TMEM45A: variants seen among roughly 807,000 people sequenced by gnomAD.
TMEM45A encodes DNA polymerase-transactivated protein 4.
Under a neutral mutation model 32.0 loss-of-function variants are expected in TMEM45A, and 25 were observed. That is an observed-to-expected ratio of 0.78 (90% confidence interval 0.57 to 1.09). TMEM45A has a LOEUF of 1.09. Among genes scored for constraint, TMEM45A ranks in the 50% least tolerant of loss-of-function variants. The pLI is 0.00. For synonymous variants in TMEM45A, 122 were observed against 114.8 expected (o/e 1.06, Z -0.40); for missense variants, 302 against 325.0 (o/e 0.93, Z 0.54).
At chr3:100,530,890 A>G (rs1475583239) in intron 1 of TMEM45A, among the ~76,000 whole-genome samples, 1 of 152,152 alleles carries the variant, frequency 6.6e-6, no homozygotes, top group Non-Finnish European at 1.5e-5. Context: ...AGAATTTTGC[A>G]TCATCTGGAT....
intron 1 of TMEM45A, among the ~76,000 whole-genome samples, chr3:100,554,573 G>T (rs1282838820): frequency 6.6e-6 from 1 of 152,202 alleles, no homozygotes; most frequent in African/African-American, 2.4e-5. Flanking sequence ...GGAGGGAGAG[G>T]CTGGGAAAGA....
chr3:100,574,430 T>A (rs749794420), intron 5 of TMEM45A: 1 of 152,040 alleles, frequency 6.6e-6, no homozygotes, highest in Non-Finnish European at 1.5e-5. Context: ...GACACATACA[T>A]CCTCCCAAGA....
At chr3:100,509,860 C>T (rs933325728) in intron 1 of TMEM45A, among the ~76,000 whole-genome samples, 22 of 152,136 alleles carry the variant, frequency 1.4e-4, no homozygotes, top group Non-Finnish European at 2.6e-4. Flanking sequence ...GGGCGACAGA[C>T]GGCACCTGGA....
chr3:100,562,804 C>T (rs1706363294), intron 4 of TMEM45A, among the ~76,000 whole-genome samples: 2 of 152,064 alleles, frequency 1.3e-5, no homozygotes, highest in Non-Finnish European at 1.5e-5. Context: ...TATGCTATAA[C>T]TTGACAATGC....
At chr3:100,536,096 C>T (rs1705735183) in intron 1 of TMEM45A, among the ~76,000 whole-genome samples, 1 of 152,106 alleles carries the variant, frequency 6.6e-6, no homozygotes. Context: ...AAGGTACTGC[C>T]AGCATCTCGT....
intron 1 of TMEM45A, among the ~76,000 whole-genome samples, chr3:100,546,611 T>C (rs1188456008): frequency 1.3e-5 from 2 of 152,222 alleles, no homozygotes; most frequent in Non-Finnish European, 2.9e-5. Flanking sequence ...TCGTTAGCAG[T>C]CCTATGCCCT....
Position 100,577,250 on chromosome 3 carries a change from G to T in TMEM45A, c.*232G>T, listed in dbSNP as rs1473341480. ...ATCATGCACATCATGGTATTCAGGG[G>T]CTAGAGTGATTTTTTTCCAGATTAT... On this transcript the variant is annotated 3_prime_UTR_variant, in exon 6 of 6. Coordinates refer to ENST00000323523, the MANE Select transcript of TMEM45A (RefSeq NM_018004.3). 2.7e-6 allele frequency: 1 copy of T among 371,932 alleles called. No homozygotes were observed. The highest frequency in any genetic ancestry group is 4.8e-6 in the Non-Finnish European group (1 of 208,366). The allele number at this position is 371,932 out of a possible 1,614,324, so 23.0% of individuals were successfully genotyped here.
At chr3:100,493,563 G>T (rs1035081988) in intron 1 of TMEM45A, among the ~76,000 whole-genome samples, 20 of 151,540 alleles carry the variant, frequency 1.3e-4, no homozygotes, top group Non-Finnish European at 2.1e-4. Context: ...CCACTTGTGT[G>T]TTCATAAACT....
intron 1 of TMEM45A, among the ~76,000 whole-genome samples, chr3:100,539,438 T>TATGCATATGTATATGC (rs1453426235): frequency 1.8e-5 from 2 of 108,942 alleles, no homozygotes; most frequent in African/African-American, 7.9e-5. Flanking sequence ...ATAGGATATG[T>TATGCATATGTATATGC]ATATGTATAT....
chr3:100,567,729 T>G (rs991385282), intron 4 of TMEM45A, among the ~76,000 whole-genome samples: 96 of 152,226 alleles, frequency 6.3e-4, no homozygotes, highest in African/African-American at 1.7e-3. Flanking sequence ...TTGATTAAAT[T>G]TATTCTTAAA....
At chr3:100,512,349 C>T (rs983017093) in intron 1 of TMEM45A, among the ~76,000 whole-genome samples, 46 of 152,200 alleles carry the variant, frequency 3.0e-4, no homozygotes, top group Admixed American at 7.2e-4. Flanking sequence ...TACATGGAAA[C>T]TGAACAACCT....
At chr3:100,513,758 G>A (rs1708209596) in intron 1 of TMEM45A, among the ~76,000 whole-genome samples, 1 of 152,198 alleles carries the variant, frequency 6.6e-6, no homozygotes, top group African/African-American at 2.4e-5. Context: ...TCCATAAGCT[G>A]ATAAGCAACT....
At chr3:100,515,379 C>CA (rs1708243747) in intron 1 of TMEM45A, among the ~76,000 whole-genome samples, 1 of 149,058 alleles carries the variant, frequency 6.7e-6, no homozygotes, top group African/African-American at 2.5e-5. Flanking sequence ...ATCACAAGAA[C>CA]AAAAAACCAA....
At chr3:100,531,164 G>T (rs753436523) in intron 1 of TMEM45A, among the ~76,000 whole-genome samples, 6 of 152,098 alleles carry the variant, frequency 3.9e-5, no homozygotes, top group Admixed American at 6.6e-5. Flanking sequence ...AAATATTTCT[G>T]TAAAGAGTAA....
chr3:100,497,867 G>C lies in TMEM45A; in HGVS notation c.-4+4939G>C. Among the ~76,000 whole-genome samples the C allele has an allele frequency of 1.3e-5, 2 of 152,096 alleles. 1 individual carries two copies. The highest frequency in any genetic ancestry group is 3.8e-4 in the East Asian group (2 of 5,198). ...GATTAGTTATGTGTCAACTTGTCTA[G>C]GCCACAGTACTGAGCTATTTGGCCA... is the stretch of plus-strand genomic sequence containing the variant. On this transcript the variant is annotated intron_variant, in intron 1 of 5. Transcript: ENST00000323523.
chr3:100,531,150 A>C (rs755304247), intron 1 of TMEM45A, among the ~76,000 whole-genome samples: 1 of 152,206 alleles, frequency 6.6e-6, no homozygotes, highest in South Asian at 2.1e-4. Context: ...GCATTTATGC[A>C]TTGAAATATT....
intron 1 of TMEM45A, among the ~76,000 whole-genome samples, chr3:100,513,836 A>G (rs1381160054): frequency 1.3e-5 from 2 of 152,262 alleles, no homozygotes; most frequent in South Asian, 4.1e-4. Flanking sequence ...CCAATAACAG[A>G]CAAACAGAGA....
intron 4 of TMEM45A, among the ~76,000 whole-genome samples, chr3:100,568,413 T>G (rs1248074211): frequency 6.6e-6 from 1 of 152,224 alleles, no homozygotes; most frequent in Non-Finnish European, 1.5e-5. Flanking sequence ...GTCTCGTTCC[T>G]GATATTAGGG....
At chr3:100,536,264 G>C (rs1180948119) in intron 1 of TMEM45A, among the ~76,000 whole-genome samples, 1 of 152,132 alleles carries the variant, frequency 6.6e-6, no homozygotes, top group Non-Finnish European at 1.5e-5. Flanking sequence ...ACTTTAATGT[G>C]CATATGAGTC....
Sources: gnomAD v4.1 joint callset for allele counts (sites outside exome capture counted in the v4.1 genomes callset) on GRCh38, gnomAD v4.1.1 for gene constraint, MANE v1.5 for transcripts, NCBI Gene and HGNC (gene_info 2026-07-23, HGNC 2026-07-21) for gene names.